SLC61A1: variants seen among roughly 807,000 people sequenced by gnomAD.
SLC61A1 encodes the protein major facilitator superfamily domain containing 5.
the SLC61A1 span, chr12:53,252,535 G>T: frequency 7.3e-7 from 1 of 1,372,580 alleles, no homozygotes; most frequent in Non-Finnish European, 9.4e-7. Context: ...AGTAGAATTT[G>T]CGGGAGCGGG....
At chr12:53,253,890 T>G in the SLC61A1 span, 1 of 1,614,218 alleles carries the variant, frequency 6.2e-7, no homozygotes, top group Non-Finnish European at 8.5e-7. Context: ...CTTATTGAGT[T>G]GGCTTGTGGA....
At chr12:53,251,976 G>A in the SLC61A1 span, 23 of 1,440,268 alleles carry the variant, frequency 1.6e-5, 1 homozygote, top group South Asian at 2.0e-4. Context: ...AGAAGCAACC[G>A]CAGCCTCCTA....
the SLC61A1 span, chr12:53,253,313 C>T: frequency 6.2e-6 from 10 of 1,614,278 alleles, no homozygotes; most frequent in Non-Finnish European, 8.5e-6. Flanking sequence ...CGTGGAACGG[C>T]ATGACTTCCC....
chr12:53,251,221 T>G, the SLC61A1 span: 1 of 153,890 alleles, frequency 6.5e-6, no homozygotes, highest in Admixed American at 6.5e-5. Flanking sequence ...GTGGATATCT[T>G]GGAGAAGAAC....
chr12:53,252,769 G>C, the SLC61A1 span: 3 of 1,583,308 alleles, frequency 1.9e-6, no homozygotes, highest in Admixed American at 1.7e-5. Flanking sequence ...CCCCTTGACC[G>C]TGCTGCCCGA....
At chr12:53,253,859 G>A in the SLC61A1 span, 17 of 1,614,166 alleles carry the variant, frequency 1.1e-5, no homozygotes, top group South Asian at 1.5e-4. Context: ...GAGTCCGGTG[G>A]AGTCCTTCAT....
the SLC61A1 span, chr12:53,253,680 GCATTATCT>G: frequency 3.1e-6 from 5 of 1,613,988 alleles, no homozygotes; most frequent in Non-Finnish European, 4.2e-6. Flanking sequence ...GCCCCTCTGG[GCATTATCT>G]TCTCCAGCTT....
chr12:53,252,916 A>C, the SLC61A1 span: 1 of 1,614,024 alleles, frequency 6.2e-7, no homozygotes, highest in Non-Finnish European at 8.5e-7. Context: ...GCCGGGCTAA[A>C]CCCCCTGGAA....
the SLC61A1 span, chr12:53,251,759 G>A: frequency 6.5e-7 from 1 of 1,536,970 alleles, no homozygotes; most frequent in Non-Finnish European, 8.7e-7. Context: ...TGGGAGAGGA[G>A]GCAAACCAAG....
At chr12:53,252,463 G>T in the SLC61A1 span, 3 of 1,295,178 alleles carry the variant, frequency 2.3e-6, no homozygotes, top group East Asian at 1.0e-4. Flanking sequence ...GCAAAAAGAG[G>T]CTCCGCAGCG....
At chr12:53,253,933 A>G in the SLC61A1 span, 1 of 1,614,176 alleles carries the variant, frequency 6.2e-7, no homozygotes. Context: ...TCCTACGGAG[A>G]AAGGTGATCC....
the SLC61A1 span, chr12:53,253,752 G>A: frequency 6.2e-7 from 1 of 1,614,096 alleles, no homozygotes; most frequent in Middle Eastern, 1.6e-4. Context: ...ACCTCCAAGA[G>A]GTACCACCTT....
the SLC61A1 span, chr12:53,251,846 C>G: frequency 5.9e-6 from 9 of 1,537,320 alleles, no homozygotes; most frequent in South Asian, 9.5e-5. Flanking sequence ...CTGCGGGCAT[C>G]TTTCCCGAGC....
chr12:53,251,658 G>A, the SLC61A1 span: 1 of 1,438,270 alleles, frequency 7.0e-7, no homozygotes, highest in Non-Finnish European at 9.2e-7. Flanking sequence ...GCCTTAGTCT[G>A]TCTGCAGCCC....
At chr12:53,251,976 G>T in the SLC61A1 span, 12 of 1,440,268 alleles carry the variant, frequency 8.3e-6, no homozygotes, top group Non-Finnish European at 1.1e-5. Context: ...AGAAGCAACC[G>T]CAGCCTCCTA....
the SLC61A1 span, chr12:53,253,529 T>C: frequency 1.2e-6 from 2 of 1,614,202 alleles, no homozygotes; most frequent in Non-Finnish European, 1.7e-6. Context: ...GCAGCGTGCC[T>C]TCTCAAGGAC....
At chr12:53,253,873 C>T in the SLC61A1 span, 4 of 1,614,080 alleles carry the variant, frequency 2.5e-6, no homozygotes, top group Non-Finnish European at 3.4e-6. Context: ...CCTTCATAGC[C>T]TTTCTACTTA....
the SLC61A1 span, chr12:53,252,680 A>C: frequency 9.1e-6 from 11 of 1,203,428 alleles, no homozygotes; most frequent in Non-Finnish European, 3.4e-6. Context: ...CCACCCACCC[A>C]ACTGGTCCCT....
chr12:53,253,381 T>A, the SLC61A1 span: 1 of 1,614,260 alleles, frequency 6.2e-7, no homozygotes. Context: ...ATGTGCTGGC[T>A]GTAGTGGCAG....
Sources: allele counts gnomAD v4.1 joint callset, GRCh38; gene constraint gnomAD v4.1.1; transcripts MANE v1.5; gene names NCBI Gene and HGNC (gene_info 2026-07-23, HGNC 2026-07-21).